Variants in EXOC6B observed in about 807,000 individuals in gnomAD.
The protein encoded by EXOC6B is exocyst complex component 6B.
EXOC6B carries 54 observed loss-of-function variants against 113.5 expected under a neutral mutation model. The ratio of observed to expected loss-of-function variants is 0.48; its 90% CI spans 0.38 to 0.60. EXOC6B has a LOEUF of 0.60. Ranked by LOEUF, EXOC6B falls within the 20% of genes least tolerant of loss-of-function variation. EXOC6B has a pLI of 0.00. For missense variants in EXOC6B, 797 were observed against 977.5 expected, an observed-to-expected ratio of 0.82 and a Z score of 2.46; for synonymous variants, 357 against 339.0, an observed-to-expected ratio of 1.05 and a Z score of -0.58.
intron 1 of EXOC6B, among the ~76,000 whole-genome samples, chr2:72,758,337 G>A (rs1573748834): frequency 6.6e-6 from 1 of 151,792 alleles, no homozygotes; most frequent in Non-Finnish European, 1.5e-5. Flanking sequence ...AGCTTCAATG[G>A]TTATTATGAT....
chr2:72,750,065 C>G (rs1681944891), intron 1 of EXOC6B, among the ~76,000 whole-genome samples: 1 of 151,792 alleles, frequency 6.6e-6, no homozygotes, highest in East Asian at 1.9e-4. Context: ...CATACCTACA[C>G]ACACACAAAC....
At chr2:72,743,500 G>T (rs1681480504) in intron 1 of EXOC6B, among the ~76,000 whole-genome samples, 1 of 151,792 alleles carries the variant, frequency 6.6e-6, no homozygotes, top group African/African-American at 2.4e-5. Context: ...TGTTTTTGCA[G>T]TTCTTATACT....
intron 19 of EXOC6B, among the ~76,000 whole-genome samples, chr2:72,352,446 T>G (rs780671637): frequency 1.1e-4 from 17 of 152,194 alleles, no homozygotes; most frequent in Non-Finnish European, 2.2e-4. Flanking sequence ...AATTTCAATC[T>G]TAGAAATATG....
At chr2:72,496,394 T>C (rs1294598755) in intron 14 of EXOC6B, 60 bp downstream of exon 14, 2 of 984,264 alleles carry the variant, frequency 2.0e-6, no homozygotes, top group African/African-American at 3.2e-5. Flanking sequence ...ACTGATCCAA[T>C]GAAAGCTTTT....
chr2:72,600,199 G>A (rs1558832294), intron 6 of EXOC6B, among the ~76,000 whole-genome samples: 3 of 152,090 alleles, frequency 2.0e-5, no homozygotes, highest in South Asian at 4.2e-4. Flanking sequence ...CCAGCACTTT[G>A]GGAGGCCGAG....
intron 20 of EXOC6B, among the ~76,000 whole-genome samples, chr2:72,222,929 G>C (rs898335359): frequency 6.6e-6 from 1 of 152,160 alleles, no homozygotes. Flanking sequence ...TTTTATGTAA[G>C]GGTTTGCAAT....
chr2:72,728,941 A>G (rs1007343572), intron 5 of EXOC6B, among the ~76,000 whole-genome samples: 3 of 152,196 alleles, frequency 2.0e-5, no homozygotes, highest in African/African-American at 7.2e-5. Flanking sequence ...CTATACACAT[A>G]AAGAAAATAA....
At chr2:72,651,880 G>A (rs888960889) in intron 6 of EXOC6B, among the ~76,000 whole-genome samples, 1 of 152,008 alleles carries the variant, frequency 6.6e-6, no homozygotes. Flanking sequence ...GAATACCTAC[G>A]TTTTTTACTG....
chr2:72,293,245 C>T (rs1489407541), intron 20 of EXOC6B, among the ~76,000 whole-genome samples: 2 of 152,080 alleles, frequency 1.3e-5, no homozygotes, highest in African/African-American at 4.8e-5. Context: ...GCTGGATATC[C>T]TAAATGAGTC....
chr2:72,525,631 C>T (rs1701714240), intron 8 of EXOC6B, among the ~76,000 whole-genome samples: 1 of 151,984 alleles, frequency 6.6e-6, no homozygotes, highest in Admixed American at 6.6e-5. Flanking sequence ...AACTGTGCAC[C>T]TTAATTACCT....
At chr2:72,665,865 C>T (rs934181934) in intron 6 of EXOC6B, among the ~76,000 whole-genome samples, 1 of 152,106 alleles carries the variant, frequency 6.6e-6, no homozygotes, top group African/African-American at 2.4e-5. Context: ...TATAAACAGT[C>T]TAAATACCCC....
intron 20 of EXOC6B, among the ~76,000 whole-genome samples, chr2:72,209,719 T>G (rs569596084): frequency 6.6e-6 from 1 of 152,318 alleles, no homozygotes; most frequent in South Asian, 2.1e-4. Context: ...TTTTGTTACA[T>G]TTCTGATCAC....
At chr2:72,400,670 C>CA (rs968202360) in intron 18 of EXOC6B, among the ~76,000 whole-genome samples, 1,810 of 114,618 alleles carry the variant, frequency 0.016, 38 homozygotes, top group African/African-American at 0.051. Flanking sequence ...CATACGCAGC[C>CA]AAAAAAAAAA....
chr2:72,754,162 C>T (rs1334571516), intron 1 of EXOC6B, among the ~76,000 whole-genome samples: 5 of 151,788 alleles, frequency 3.3e-5, no homozygotes, highest in Non-Finnish European at 4.4e-5. Context: ...ACTGGGATTA[C>T]AGGTGAGAGT....
intron 20 of EXOC6B, among the ~76,000 whole-genome samples, chr2:72,196,800 A>C (rs1304857980): frequency 6.6e-6 from 1 of 152,126 alleles, no homozygotes; most frequent in Non-Finnish European, 1.5e-5. Flanking sequence ...TCTATTTACT[A>C]ATTAGTTTTT....
At chr2:72,636,377 G>GAAGGAAGGAAGGAAGGAAGGAAGGAAGC (rs1423538257) in intron 6 of EXOC6B, among the ~76,000 whole-genome samples, 9 of 146,142 alleles carry the variant, frequency 6.2e-5, no homozygotes, top group African/African-American at 2.3e-4. Flanking sequence ...AGGAAGCAAG[G>GAAGGAAGGAAGGAAGGAAGGAAGGAAGC]AAGCAAGGAA....
intron 6 of EXOC6B, among the ~76,000 whole-genome samples, chr2:72,584,120 C>T (rs1002412066): frequency 6.6e-6 from 1 of 151,754 alleles, no homozygotes; most frequent in Non-Finnish European, 1.5e-5. Context: ...AAAGCAATAA[C>T]AATAGAAACT....
At chr2:72,425,334 T>A (rs1287448340) in intron 18 of EXOC6B, among the ~76,000 whole-genome samples, 1 of 152,224 alleles carries the variant, frequency 6.6e-6, no homozygotes, top group Non-Finnish European at 1.5e-5. Flanking sequence ...CAAGTGTCAT[T>A]AACTATAAGA....
chr2:72,356,540 A>G (rs1479508573), intron 19 of EXOC6B, among the ~76,000 whole-genome samples: 1 of 152,180 alleles, frequency 6.6e-6, no homozygotes, highest in African/African-American at 2.4e-5. Flanking sequence ...AAGATCCTGT[A>G]TCTCAAACAA....
Sources: gnomAD v4.1 joint callset for allele counts (sites outside exome capture counted in the v4.1 genomes callset) on GRCh38, gnomAD v4.1.1 for gene constraint, MANE v1.5 for transcripts, NCBI Gene and HGNC (gene_info 2026-07-23, HGNC 2026-07-21) for gene names.